Variants in SIPA1L1 observed in about 807,000 individuals in gnomAD.
SIPA1L1 encodes signal induced proliferation associated 1 like 1.
SIPA1L1 carries 26 observed loss-of-function variants against 162.7 expected under a neutral mutation model. The observed-to-expected ratio is 0.16, with a 90% CI of 0.12 to 0.22. SIPA1L1 has a LOEUF of 0.22. Among genes scored for constraint, SIPA1L1 ranks in the 10% least tolerant of loss-of-function variants. SIPA1L1 has a pLI of 1.00. For synonymous variants in SIPA1L1, 829 were observed against 837.4 expected, an observed-to-expected ratio of 0.99 and a Z score of 0.17; for missense variants, 1,874 against 2,241.0, an observed-to-expected ratio of 0.84 and a Z score of 3.31.
At chr14:71,738,993 T>G in intron 23 of SIPA1L1, 25 bp from the exon 24 acceptor site, 1 of 1,609,162 alleles carries the variant, frequency 6.2e-7, no homozygotes, top group Non-Finnish European at 8.5e-7. Context: ...ACCTCTTAGC[T>G]TTTCTACTTC....
chr14:71,739,500 C>T lies in SIPA1L1; in HGVS notation c.*339C>T, dbSNP rs114687503. 3.5e-4 allele frequency: 56 copies of T among 160,948 alleles called. No homozygotes were observed. The highest frequency in any genetic ancestry group is 7.3e-4 in the Non-Finnish European group (54 of 74,030). 10.0% of individuals were successfully genotyped at this position (160,948 alleles called of 1,614,324 possible). On this transcript the variant is annotated 3_prime_UTR_variant, in exon 24 of 24. Transcript: ENST00000381232. ...ACCAGGGCGCCCCCTGGCCCATCCG[C>T]CTCTATTCCCATCAGCTTTCTTATC...
At chr14:71,513,224 C>T (rs1243072980) in intron 3 of SIPA1L1, among the ~76,000 whole-genome samples, 7 of 151,892 alleles carry the variant, frequency 4.6e-5, no homozygotes, top group East Asian at 1.9e-4. Flanking sequence ...ACAGTATCAC[C>T]GTAGAATTGA....
intron 4 of SIPA1L1, among the ~76,000 whole-genome samples, chr14:71,549,573 T>G (rs1567191531): frequency 6.6e-6 from 1 of 152,210 alleles, no homozygotes; most frequent in African/African-American, 2.4e-5. Context: ...ATTGGGAGGT[T>G]TCTAACCAGT....
chr14:71,418,849 G>T (rs2042976721), intron 2 of SIPA1L1, among the ~76,000 whole-genome samples: 1 of 152,170 alleles, frequency 6.6e-6, no homozygotes. Flanking sequence ...AGCATGCCAC[G>T]TTCTGGAGCT....
chr14:71,621,556 G>A (rs1253797596), intron 6 of SIPA1L1, among the ~76,000 whole-genome samples: 2 of 152,098 alleles, frequency 1.3e-5, no homozygotes, highest in East Asian at 1.9e-4. Flanking sequence ...TTCCTTGACC[G>A]CTGAATCTAA....
chr14:71,681,451 A>G (rs2149508824), intron 12 of SIPA1L1, among the ~76,000 whole-genome samples: 1 of 152,378 alleles, frequency 6.6e-6, no homozygotes, highest in Middle Eastern at 3.4e-3. Flanking sequence ...AGGGCCATTC[A>G]AAATGACAAG....
chr14:71,355,252 T>C (rs1238640685), intron 2 of SIPA1L1, among the ~76,000 whole-genome samples: 1 of 152,244 alleles, frequency 6.6e-6, no homozygotes. Flanking sequence ...AGTAATTGTA[T>C]AGGACTTAAT....
chr14:71,352,908 C>G (rs776085037), intron 2 of SIPA1L1, among the ~76,000 whole-genome samples: 6 of 152,122 alleles, frequency 3.9e-5, no homozygotes, highest in Non-Finnish European at 8.8e-5. Context: ...TAGAGATGTT[C>G]CATTGTGGAA....
intron 2 of SIPA1L1, among the ~76,000 whole-genome samples, chr14:71,350,035 G>T (rs1002390816): frequency 2.0e-5 from 3 of 152,112 alleles, no homozygotes; most frequent in African/African-American, 4.8e-5. Flanking sequence ...AGGTGCTGAG[G>T]CTTGGTTATA....
chr14:71,452,699 G>T (rs925334912), intron 2 of SIPA1L1, among the ~76,000 whole-genome samples: 1 of 152,154 alleles, frequency 6.6e-6, no homozygotes, highest in African/African-American at 2.4e-5. Context: ...TCAGCACATT[G>T]TATTTTTAGT....
intron 5 of SIPA1L1, among the ~76,000 whole-genome samples, chr14:71,616,111 G>C (rs1172010535): frequency 6.6e-6 from 1 of 152,194 alleles, no homozygotes; most frequent in East Asian, 1.9e-4. Flanking sequence ...TTGAAGTTCT[G>C]AAAGCAGGTG....
intron 2 of SIPA1L1, among the ~76,000 whole-genome samples, chr14:71,389,289 A>C (rs547338635): frequency 3.0e-4 from 46 of 152,326 alleles, no homozygotes; most frequent in African/African-American, 1.1e-3. Context: ...GAGGAAAGAA[A>C]AATGAGTTGT....
intron 2 of SIPA1L1, among the ~76,000 whole-genome samples, chr14:71,422,026 G>T (rs890666657): frequency 6.6e-6 from 1 of 152,144 alleles, no homozygotes; most frequent in Non-Finnish European, 1.5e-5. Context: ...ATTCTTAGTC[G>T]TTAAAATGGA....
intron 2 of SIPA1L1, among the ~76,000 whole-genome samples, chr14:71,362,005 T>C (rs1009793130): frequency 4.6e-5 from 7 of 152,210 alleles, no homozygotes; most frequent in African/African-American, 1.2e-4. Flanking sequence ...TACAGAAATA[T>C]TGGGTTCATA....
At chr14:71,458,906 G>C (rs1017569093) in intron 2 of SIPA1L1, among the ~76,000 whole-genome samples, 3 of 151,832 alleles carry the variant, frequency 2.0e-5, no homozygotes, top group Non-Finnish European at 4.4e-5. Flanking sequence ...AACCCCGTCT[G>C]TACTAAAAAT....
chr14:71,730,411 A>G (rs2084658200), intron 20 of SIPA1L1, 110 bp downstream of exon 20: 5 of 1,287,820 alleles, frequency 3.9e-6, no homozygotes, highest in South Asian at 2.7e-5. Flanking sequence ...CCATGCTCAG[A>G]TGGTCTCAGC....
At chr14:71,320,766 C>G (rs1483090301) in intron 1 of SIPA1L1, among the ~76,000 whole-genome samples, 1 of 150,976 alleles carries the variant, frequency 6.6e-6, no homozygotes, top group Non-Finnish European at 1.5e-5. Flanking sequence ...GCACTTGCTT[C>G]CCGTACTGGC....
intron 22 of SIPA1L1, among the ~76,000 whole-genome samples, chr14:71,737,288 C>G (rs902044949): frequency 4.6e-5 from 7 of 152,134 alleles, no homozygotes; most frequent in Admixed American, 2.0e-4. Context: ...GTAAAGAATA[C>G]CTTTTACTCC....
At chr14:71,717,663 G>A (rs1408920519) in intron 17 of SIPA1L1, among the ~76,000 whole-genome samples, 1 of 152,198 alleles carries the variant, frequency 6.6e-6, no homozygotes. Flanking sequence ...CTTCATGGTA[G>A]TTGTATTGTA....
Sources: gnomAD v4.1 joint callset for allele counts (sites outside exome capture counted in the v4.1 genomes callset) on GRCh38, gnomAD v4.1.1 for gene constraint, MANE v1.5 for transcripts, NCBI Gene and HGNC (gene_info 2026-07-23, HGNC 2026-07-21) for gene names.